The following CSGALNACT1 variants were observed in gnomAD, a reference collection of about 807,000 sequenced individuals.
The protein encoded by CSGALNACT1 is beta4GalNAcT-1.
Under a neutral mutation model 51.0 loss-of-function variants are expected in CSGALNACT1, and 52 were observed. The observed-to-expected ratio is 1.02, with a 90% CI of 0.82 to 1.29. The LOEUF is 1.29. Among genes scored for constraint, CSGALNACT1 ranks in the 50% most tolerant of loss-of-function variants. The pLI, the probability that CSGALNACT1 is intolerant of heterozygous loss-of-function variation, is 0.00. For synonymous variants in CSGALNACT1, 341 were observed against 254.4 expected, an observed-to-expected ratio of 1.34 and a Z score of -3.24; for missense variants, 935 against 679.2, an observed-to-expected ratio of 1.38 and a Z score of -4.19.
chr8:19,523,524 C>T (rs998045015), intron 3 of CSGALNACT1, among the ~76,000 whole-genome samples: 2 of 152,104 alleles, frequency 1.3e-5, no homozygotes, highest in African/African-American at 4.8e-5. Context: ...CCCACCTTGG[C>T]CTCCCAAAGT....
At chr8:19,693,386 T>G (rs1231220111) in intron 1 of CSGALNACT1, among the ~76,000 whole-genome samples, 16 of 152,120 alleles carry the variant, frequency 1.1e-4, no homozygotes. Context: ...CTACCAGCCT[T>G]TGTCATAGTA....
Position 19,406,025 on chromosome 8 carries a change from G to A in CSGALNACT1, c.1354C>T (p.His452Tyr), listed in dbSNP as rs1387283423. The change falls in exon 10 of 10, where the codon CAC becomes TAC. Residue 452 changes from histidine to tyrosine, a missense_variant. His to Tyr is a moderately conservative substitution (Grantham distance 83, BLOSUM62 2). Coordinates refer to ENST00000454498, the Ensembl canonical transcript of CSGALNACT1. ...CTGTGGAGATACTTGCGATAAAGGT[G>A]CACATCCTCTCCGCCCCAGCCTTTG... 1.2e-6 allele frequency: 2 copies of A among 1,614,190 alleles called. No homozygotes were observed. Among genetic ancestry groups the A allele is most frequent in the Non-Finnish European group, 1.7e-6 (2 of 1,180,044 alleles).
intron 1 of CSGALNACT1, among the ~76,000 whole-genome samples, chr8:19,614,647 A>G (rs1390394555): frequency 6.6e-6 from 1 of 152,038 alleles, no homozygotes; most frequent in Non-Finnish European, 1.5e-5. Context: ...TTCTCATTCT[A>G]TATAGGGCCT....
At chr8:19,619,827 A>G (rs1421492493) in intron 1 of CSGALNACT1, among the ~76,000 whole-genome samples, 4 of 152,194 alleles carry the variant, frequency 2.6e-5, no homozygotes, top group African/African-American at 9.6e-5. Context: ...GAGAGATTAG[A>G]GAGTAACATC....
intron 3 of CSGALNACT1, among the ~76,000 whole-genome samples, chr8:19,545,664 G>T (rs2086292900): frequency 6.6e-6 from 1 of 151,796 alleles, no homozygotes; most frequent in South Asian, 2.1e-4. Context: ...CAATAAGGGA[G>T]AAAAAACGTA....
At chr8:19,440,732 A>C (rs906905709) in intron 5 of CSGALNACT1, among the ~76,000 whole-genome samples, 1 of 151,796 alleles carries the variant, frequency 6.6e-6, no homozygotes, top group Non-Finnish European at 1.5e-5. Flanking sequence ...ATTAGGCAGG[A>C]GAAGGAAATA....
At chr8:19,737,606 A>C (rs1173093763) in intron 1 of CSGALNACT1, among the ~76,000 whole-genome samples, 1 of 152,150 alleles carries the variant, frequency 6.6e-6, no homozygotes, top group Non-Finnish European at 1.5e-5. Flanking sequence ...AAAAAGAAAA[A>C]AAAAGCACTC....
At chr8:19,719,525 G>GA (rs1282520610) in intron 1 of CSGALNACT1, among the ~76,000 whole-genome samples, 1 of 152,052 alleles carries the variant, frequency 6.6e-6, no homozygotes, top group Non-Finnish European at 1.5e-5. Flanking sequence ...ATCGTTTTCA[G>GA]AAAAAAACAA....
intron 3 of CSGALNACT1, among the ~76,000 whole-genome samples, chr8:19,521,857 G>A (rs1469048023): frequency 2.0e-5 from 3 of 152,212 alleles, no homozygotes; most frequent in African/African-American, 7.2e-5. Flanking sequence ...ACAGAGCTCT[G>A]CTGGCATTCT....
chr8:19,603,047 TACACACACACACACAC>T (rs5889877), upstream of CSGALNACT1, among the ~76,000 whole-genome samples: 79 of 123,120 alleles, frequency 6.4e-4, no homozygotes, highest in Middle Eastern at 0.019. Flanking sequence ...ACTGTGTGTA[TACACACACACACACAC>T]ACACACACAC....
chr8:19,458,609 A>G, exon 5 of CSGALNACT1: 8 of 1,614,218 alleles, frequency 5.0e-6, no homozygotes, highest in Non-Finnish European at 6.8e-6. Flanking sequence ...GAGCTCATAC[A>G]ATGTCCCTTT....
intron 3 of CSGALNACT1, among the ~76,000 whole-genome samples, chr8:19,570,398 C>G (rs1318182676): frequency 6.6e-6 from 1 of 152,024 alleles, no homozygotes; most frequent in African/African-American, 2.4e-5. Flanking sequence ...TTGTATTCTC[C>G]CCCTACAAAG....
chr8:19,495,623 C>A (rs1214197527), intron 4 of CSGALNACT1, among the ~76,000 whole-genome samples: 1 of 152,104 alleles, frequency 6.6e-6, no homozygotes, highest in Non-Finnish European at 1.5e-5. Flanking sequence ...GGCACAAGCT[C>A]CAGATGGCAA....
chr8:19,671,265 T>C (rs1310915422), intron 1 of CSGALNACT1, among the ~76,000 whole-genome samples: 1 of 152,152 alleles, frequency 6.6e-6, no homozygotes, highest in African/African-American at 2.4e-5. Flanking sequence ...CCCTCGACAA[T>C]ATTCTCTGCC....
At chr8:19,699,277 AC>A in intron 1 of CSGALNACT1, among the ~76,000 whole-genome samples, 1 of 152,230 alleles carries the variant, frequency 6.6e-6, no homozygotes, top group East Asian at 1.9e-4. Context: ...TGCAGAACCC[AC>A]AAGGCCAAGT....
chr8:19,493,715 T>A (rs11204049), intron 4 of CSGALNACT1, among the ~76,000 whole-genome samples: 2 of 152,072 alleles, frequency 1.3e-5, no homozygotes, highest in African/African-American at 4.8e-5. Flanking sequence ...TGCATGCAAT[T>A]CCACATTCTG....
At chr8:19,571,141 T>C (rs967783471) in intron 3 of CSGALNACT1, among the ~76,000 whole-genome samples, 3 of 152,108 alleles carry the variant, frequency 2.0e-5, no homozygotes, top group Non-Finnish European at 2.9e-5. Context: ...TAGCTATTTT[T>C]GTATTTTTTG....
At chr8:19,656,355 T>C (rs2058270783) in intron 1 of CSGALNACT1, among the ~76,000 whole-genome samples, 1 of 152,158 alleles carries the variant, frequency 6.6e-6, no homozygotes, top group Admixed American at 6.5e-5. Context: ...ATTCACCATT[T>C]TTATATGGCC....
chr8:19,567,706 G>C (rs888618207), intron 3 of CSGALNACT1, among the ~76,000 whole-genome samples: 8 of 152,150 alleles, frequency 5.3e-5, no homozygotes, highest in African/African-American at 1.9e-4. Context: ...ATTTACTGAT[G>C]TGTCTATTTT....
Sources: gnomAD v4.1 joint callset for allele counts (sites outside exome capture counted in the v4.1 genomes callset) on GRCh38, gnomAD v4.1.1 for gene constraint, MANE v1.5 for transcripts, NCBI Gene and HGNC (gene_info 2026-07-23, HGNC 2026-07-21) for gene names.